Variants in LONRF1 observed in about 807,000 individuals in gnomAD.
LONRF1 encodes the protein LON peptidase N-terminal domain and ring finger 1, also known as LON peptidase N-terminal domain and RING finger protein 1.
In LONRF1, 37 loss-of-function variants were observed where a neutral mutation model predicts 85.8. The observed-to-expected ratio is 0.43, with a 90% CI of 0.33 to 0.57. The LOEUF (loss-of-function observed/expected upper bound fraction) is 0.57, where lower values mean the gene tolerates loss of function less well. LONRF1 is among the 20% of genes least tolerant of loss of function. LONRF1 has a pLI of 0.04. For synonymous variants in LONRF1, 517 were observed against 390.1 expected (o/e 1.33, Z -3.83); for missense variants, 1,036 against 978.0 (o/e 1.06, Z -0.79).
At chr8:12,743,514 T>C (rs2117309352) in intron 1 of LONRF1, among the ~76,000 whole-genome samples, 1 of 152,298 alleles carries the variant, frequency 6.6e-6, no homozygotes, top group South Asian at 2.1e-4. Context: ...AGGAAACTGT[T>C]TTCCAGAATA....
At position 12,755,117 on chromosome 8, in the gene LONRF1, C is replaced by T. The variant is rs1409131599; in HGVS notation, c.304G>A (p.Gly102Arg). The change falls in exon 1 of 12, where the codon GGG becomes AGG. Residue 102 changes from glycine to arginine, a missense_variant. By Grantham distance (125) the Gly-to-Arg change is moderately radical (BLOSUM62 -2). This residue lies in a region of LONRF1 where 742 missense variants were observed against 614.4 expected (regional missense o/e 1.21). Transcript: ENST00000398246. Reference sequence around the variant, plus strand: ...ACCGGGGCCGCGCTCCAGCCCAGCCCGTGGCGGAGCCGGTAGTTGAACACC... The same window carrying T: ...ACCGGGGCCGCGCTCCAGCCCAGCCTGTGGCGGAGCCGGTAGTTGAACACC... Reference protein sequence around the residue: ...CLVFNYRLRHGLGWSAAPVAG... With the variant: ...CLVFNYRLRHRLGWSAAPVAG... The T allele has an allele frequency of 2.1e-6, 3 of 1,458,348 alleles. No homozygotes were observed. Among genetic ancestry groups the T allele is most frequent in the Non-Finnish European group, 2.7e-6 (3 of 1,109,542 alleles). 90.3% of individuals were successfully genotyped at this position (1,458,348 alleles called of 1,614,324 possible). A position where few individuals can be genotyped will look rare whatever the true frequency, so the allele number is the denominator to read the frequency against.
chr8:12,733,062 C>T (rs928704667), intron 7 of LONRF1, among the ~76,000 whole-genome samples: 2 of 152,154 alleles, frequency 1.3e-5, no homozygotes, highest in Non-Finnish European at 2.9e-5. Flanking sequence ...AGCCCCACGC[C>T]AGAGTCTCTG....
At chr8:12,745,627 T>C (rs888081079) in intron 1 of LONRF1, among the ~76,000 whole-genome samples, 1 of 152,218 alleles carries the variant, frequency 6.6e-6, no homozygotes, top group African/African-American at 2.4e-5. Context: ...GCACACGCCA[T>C]CAGGGAAGAT....
At chr8:12,743,649 C>T (rs1051225012) in intron 1 of LONRF1, among the ~76,000 whole-genome samples, 1 of 152,002 alleles carries the variant, frequency 6.6e-6, no homozygotes, top group Admixed American at 6.5e-5. Flanking sequence ...TATAGTAAAT[C>T]TTATATTTTT....
In LONRF1 at chr8:12,755,513, C is replaced by T. The variant is rs1585271341; in HGVS notation, c.-93G>A. The T allele has an allele frequency of 5.2e-6, 3 of 579,998 alleles. No individual in the cohort carries two copies. Among genetic ancestry groups the T allele is most frequent in the Non-Finnish European group, 6.5e-6 (3 of 460,916 alleles). The allele number at this position is 579,998 out of a possible 1,614,324, so 35.9% of individuals were successfully genotyped here. On this transcript the variant is annotated 5_prime_UTR_variant, in exon 1 of 12. Coordinates refer to ENST00000398246, the MANE Select transcript of LONRF1 (RefSeq NM_152271.5). Reference sequence around the variant, plus strand: ...CGCACGCGGCCCGCGAGCAGGGGGGCGTGGCGCGCGGACACGGCGGGGCTG... The same window carrying T: ...CGCACGCGGCCCGCGAGCAGGGGGGTGTGGCGCGCGGACACGGCGGGGCTG...
intron 1 of LONRF1, among the ~76,000 whole-genome samples, chr8:12,748,795 A>G (rs115464679): frequency 0.013 from 1,677 of 131,012 alleles, 36 homozygotes; most frequent in African/African-American, 0.044. Context: ...TCAAAGGCTA[A>G]CCAGAATATC....
chr8:12,738,148 T>A lies in LONRF1; in HGVS notation c.964-4A>T. The A allele has an allele frequency of 6.7e-7, 1 of 1,498,406 alleles. No homozygotes were observed. Among genetic ancestry groups the A allele is most frequent in the South Asian group, 1.3e-5 (1 of 78,416 alleles). 92.8% of individuals were successfully genotyped at this position (1,498,406 alleles called of 1,614,324 possible). On this transcript the variant is annotated splice_polypyrimidine_tract_variant and splice_region_variant and intron_variant, in intron 3 of 11. Transcript: ENST00000398246. The stretch of plus-strand genomic sequence containing the variant: ...GTAATAATAAATCACATAAAATCTG[T>A]AAGAGAAATATTAAAAGTAGTAGAA...
rs200342308 is a variant in LONRF1 at position 12,723,132 on chromosome 8, A to G, written c.2286T>C (p.His762=). 1.7e-4 allele frequency: 282 copies of G among 1,614,016 alleles called. 2 individuals carry two copies. Among genetic ancestry groups the G allele is most frequent in the Admixed American group, 1.5e-4 (9 of 60,006 alleles). ...GGTCTCTAGAAAAATAGGTCAGTATATGCTGTATCTTGGTCAACCGTTCTT... is the reference window on the plus strand; with the variant it reads ...GGTCTCTAGAAAAATAGGTCAGTATGTGCTGTATCTTGGTCAACCGTTCTT... ...SLKERLTKIQ[H]ILTYFSRDQS... is the part of the protein sequence containing the mutation. Residue 762 remains histidine, a synonymous_variant, in exon 12 of 12, where the codon CAT becomes CAC. Coordinates refer to ENST00000398246, the MANE Select transcript of LONRF1 (RefSeq NM_152271.5).
rs1293249311 is a variant in LONRF1, at chr8:12,755,058, G to A, written c.363C>T (p.Leu121=). 2 of 1,476,900 alleles carry A rather than the reference G, an allele frequency of 1.4e-6. No homozygotes were observed. The highest frequency in any genetic ancestry group is 1.8e-6 in the Non-Finnish European group (2 of 1,119,644). The allele number at this position is 1,476,900 out of a possible 1,614,324, so 91.5% of individuals were successfully genotyped here. ...AGADGGAGGL[L]RCLGCRGFLS... ...GGAAGCCCCGGCAGCCCAGGCATCT[G>A]AGGAGCCCGCCGGCGCCGCCGTCAG... The change falls in exon 1 of 12, where the codon CTC becomes CTT. Residue 121 remains leucine, a synonymous_variant. Transcript: ENST00000398246.
Position 12,743,146 on chromosome 8 carries a change from A to G in LONRF1, c.840+18T>C, listed in dbSNP as rs1454314791. 8 of 1,477,114 alleles carry G rather than the reference A, an allele frequency of 5.4e-6. No individual in the cohort carries two copies. The highest frequency in any genetic ancestry group is 7.6e-6 in the Non-Finnish European group (8 of 1,056,658). 91.5% of individuals were successfully genotyped at this position (1,477,114 alleles called of 1,614,324 possible). A position where few individuals can be genotyped will look rare whatever the true frequency, so the allele number is the denominator to read the frequency against. ...TTAAAATTTTACAATTTATGCAAAC[A>G]TAAAACAGTAATTTTACCTCAGGCC... On this transcript the variant is annotated intron_variant, in intron 2 of 11. Coordinates refer to ENST00000398246, the MANE Select transcript of LONRF1 (RefSeq NM_152271.5).
intron 7 of LONRF1, among the ~76,000 whole-genome samples, chr8:12,733,697 T>C (rs1023084635): frequency 2.0e-5 from 3 of 152,138 alleles, no homozygotes; most frequent in African/African-American, 7.2e-5. Flanking sequence ...AGAAACCTTA[T>C]ATATCCAACA....
In LONRF1 at chr8:12,737,141, C is replaced by T. The variant is rs1223182758; in HGVS notation, c.1114-1G>A. On this transcript the variant is annotated splice_acceptor_variant, in intron 4 of 11. Coordinates refer to ENST00000398246, the MANE Select transcript of LONRF1 (RefSeq NM_152271.5). LOFTEE classifies it high-confidence loss of function. ...AAGTGACCTCTGGTATTTCTTCACT[C>T]TACAAAAATACAATAAACAAAGGTA... The T allele has an allele frequency of 6.2e-7, 1 of 1,609,232 alleles. No individual in the cohort carries two copies. Among genetic ancestry groups the T allele is most frequent in the Admixed American group, 1.7e-5 (1 of 59,108 alleles).
chr8:12,750,782 G>C (rs925234653), intron 1 of LONRF1, among the ~76,000 whole-genome samples: 1 of 152,118 alleles, frequency 6.6e-6, no homozygotes, highest in Non-Finnish European at 1.5e-5. Flanking sequence ...AACTAAAATC[G>C]GGATGTAATT....
At chr8:12,740,766 GATTTAT>G (rs1226341307) in intron 3 of LONRF1, 102 bp downstream of exon 3, 44 of 1,355,252 alleles carry the variant, frequency 3.2e-5, no homozygotes, top group Admixed American at 1.4e-4. Context: ...TCCTAAGTTA[GATTTAT>G]TTACTACTTA....
intron 8 of LONRF1, among the ~76,000 whole-genome samples, chr8:12,730,704 T>C (rs1218537348): frequency 6.6e-6 from 1 of 152,210 alleles, no homozygotes; most frequent in Admixed American, 6.5e-5. Flanking sequence ...GTCATATCAT[T>C]TTATAAACCA....
At chr8:12,725,972 AACAGGGCAAT>A in intron 10 of LONRF1, 93 bp from the exon 11 acceptor site, 2 of 1,185,668 alleles carry the variant, frequency 1.7e-6, no homozygotes, top group Non-Finnish European at 2.4e-6. Flanking sequence ...GGATCAGAAG[AACAGGGCAAT>A]ACCTGTTTCA....
At chr8:12,751,687 CCTTT>C (rs1049729204) in intron 1 of LONRF1, among the ~76,000 whole-genome samples, 2 of 149,494 alleles carry the variant, frequency 1.3e-5, no homozygotes, top group African/African-American at 2.4e-5. Flanking sequence ...CACCTTACAA[CCTTT>C]TTTTTTTTTT....
At position 12,729,140 on chromosome 8, in the gene LONRF1, T is replaced by C. The variant is rs377007459; in HGVS notation, c.1847+34A>G. On this transcript the variant is annotated intron_variant, in intron 9 of 11. Transcript: ENST00000398246. ...CTCATCCATATTGAGAGGTCTAACA[T>C]AAATACAAATATTTAGGTTCACAAA... 5 of 1,613,192 alleles carry C rather than the reference T, an allele frequency of 3.1e-6. No individual in the cohort carries two copies. The African/African-American group carries it at 5.3e-5, about 17-fold the overall frequency.
At chr8:12,732,363 G>A (rs1230211323) in intron 7 of LONRF1, among the ~76,000 whole-genome samples, 1 of 152,162 alleles carries the variant, frequency 6.6e-6, no homozygotes, top group Non-Finnish European at 1.5e-5. Flanking sequence ...CTATTGAGTA[G>A]AGGAGCAGAC....
Sources: allele counts gnomAD v4.1 joint callset (sites outside exome capture counted in the v4.1 genomes callset), GRCh38; gene constraint gnomAD v4.1.1; regional missense constraint gnomAD v4.1.1; transcripts MANE v1.5; gene names NCBI Gene and HGNC (gene_info 2026-07-23, HGNC 2026-07-21).